Variants in ZNF407 observed in about 807,000 individuals in gnomAD.
The protein encoded by ZNF407 is zinc finger protein 407.
A neutral mutation model predicts 131.2 loss-of-function variants in ZNF407; 17 were observed. The ratio of observed to expected loss-of-function variants is 0.13; its 90% CI spans 0.09 to 0.19. ZNF407 has a LOEUF of 0.19. ZNF407 is among the 10% of genes least tolerant of loss of function. The pLI is 1.00. For missense variants in ZNF407, 2,681 were observed against 2,830.6 expected (o/e 0.95, Z 1.20); for synonymous variants, 1,156 against 1,062.0 (o/e 1.09, Z -1.72).
rs185176030 is a variant in ZNF407, at chr18:74,852,139, T to A, written c.4878-25058T>A. Among the ~76,000 whole-genome samples, 14 of 151,682 alleles carry A rather than the reference T, an allele frequency of 9.2e-5. No homozygotes were observed. In the East Asian group the frequency reaches 2.7e-3, roughly 30 times the overall value. On this transcript the variant is annotated intron_variant, in intron 4 of 8. Coordinates refer to ENST00000299687, the MANE Select transcript of ZNF407 (RefSeq NM_017757.3). ...TTTCTGGTCCTAAAAACATTCTGTG[T>A]TTATCTGTATGCATGGATGCATGCT...
At chr18:74,626,925 T>A (rs1356312935) in intron 1 of ZNF407, among the ~76,000 whole-genome samples, 2 of 152,228 alleles carry the variant, frequency 1.3e-5, no homozygotes, top group East Asian at 3.8e-4. Flanking sequence ...TGTATCCTGA[T>A]AGGGATTCCT....
At chr18:74,612,273 GATAACTGT>G (rs1983095028) in intron 1 of ZNF407, among the ~76,000 whole-genome samples, 1 of 152,094 alleles carries the variant, frequency 6.6e-6, no homozygotes, top group African/African-American at 2.4e-5. Flanking sequence ...CAAGTCGGTG[GATAACTGT>G]ATAAGAAGGA....
intron 4 of ZNF407, among the ~76,000 whole-genome samples, chr18:74,849,433 T>C (rs1186834263): frequency 6.6e-6 from 1 of 152,142 alleles, no homozygotes; most frequent in African/African-American, 2.4e-5. Flanking sequence ...AGTTGTAATG[T>C]TTACCTTATA....
Position 74,621,945 on chromosome 18 carries a change from A to G in ZNF407, c.-53-9022A>G, listed in dbSNP as rs139831861. On this transcript the variant is annotated intron_variant, in intron 1 of 8. Transcript: ENST00000299687. Reference sequence around the variant, plus strand: ...TCCTCTTGTGAGGAAGACAGACCCTATTACATCTACACGTGGTGAAATTGC... The same window carrying G: ...TCCTCTTGTGAGGAAGACAGACCCTGTTACATCTACACGTGGTGAAATTGC... Among the ~76,000 whole-genome samples the G allele has an allele frequency of 7.8e-4, 119 of 152,026 alleles. 2 individuals are homozygous for G. Among genetic ancestry groups the G allele is most frequent in the Middle Eastern group, 3.4e-3 (1 of 294 alleles).
At chr18:74,598,172 C>G (rs919196745) in intron 1 of ZNF407, 3 of 152,026 alleles carry the variant, frequency 2.0e-5, no homozygotes, top group Admixed American at 1.3e-4. Context: ...CGCTCGTTCG[C>G]TCACGCTGCC....
intron 8 of ZNF407, among the ~76,000 whole-genome samples, chr18:74,993,370 A>C (rs1972741230): frequency 6.6e-6 from 1 of 152,196 alleles, no homozygotes; most frequent in African/African-American, 2.4e-5. Context: ...AAAGTGTGCT[A>C]AGCAAAAGCG....
intron 3 of ZNF407, among the ~76,000 whole-genome samples, chr18:74,710,875 T>A (rs183744899): frequency 3.2e-4 from 48 of 152,354 alleles, no homozygotes; most frequent in Non-Finnish European, 4.4e-5. Context: ...GAATGGAGAA[T>A]GGAAAAACTG....
chr18:75,001,098 G>A (rs751837950), intron 8 of ZNF407, among the ~76,000 whole-genome samples: 6 of 152,130 alleles, frequency 3.9e-5, no homozygotes, highest in Non-Finnish European at 7.3e-5. Flanking sequence ...ACCAGAAGCT[G>A]AGCTTTCAGG....
At chr18:74,863,375 A>G (rs573075210) in intron 4 of ZNF407, among the ~76,000 whole-genome samples, 1 of 151,942 alleles carries the variant, frequency 6.6e-6, no homozygotes, top group African/African-American at 2.4e-5. Context: ...AATATTAGAA[A>G]TTTGGGGAGA....
chr18:74,671,939 G>A (rs571832), intron 3 of ZNF407, among the ~76,000 whole-genome samples: 3,524 of 152,148 alleles, frequency 0.023, 147 homozygotes, highest in African/African-American at 0.08. Context: ...AGATGTACAC[G>A]TTTTCTTTAT....
At chr18:74,921,954 G>C (rs577703697) in intron 8 of ZNF407, among the ~76,000 whole-genome samples, 1 of 152,156 alleles carries the variant, frequency 6.6e-6, no homozygotes, top group Non-Finnish European at 1.5e-5. Context: ...CGTGGATAGA[G>C]GCTCATTACT....
intron 8 of ZNF407, among the ~76,000 whole-genome samples, chr18:75,044,710 T>A (rs1973412520): frequency 6.6e-6 from 1 of 152,202 alleles, no homozygotes; most frequent in African/African-American, 2.4e-5. Flanking sequence ...ATATATTTTA[T>A]TGTAAGTATA....
chr18:74,886,711 T>G (rs766384797), intron 6 of ZNF407, among the ~76,000 whole-genome samples: 1 of 152,170 alleles, frequency 6.6e-6, no homozygotes, highest in Non-Finnish European at 1.5e-5. Flanking sequence ...AATATAATAG[T>G]GACAGAAAGC....
chr18:74,948,611 A>G (rs1407283684), intron 8 of ZNF407, among the ~76,000 whole-genome samples: 1 of 152,178 alleles, frequency 6.6e-6, no homozygotes, highest in Non-Finnish European at 1.5e-5. Context: ...TTTTATCTGT[A>G]TTGAAAATTA....
intron 8 of ZNF407, among the ~76,000 whole-genome samples, chr18:75,051,687 T>C (rs1465304738): frequency 6.6e-6 from 1 of 152,226 alleles, no homozygotes; most frequent in African/African-American, 2.4e-5. Flanking sequence ...TCCTACCCTT[T>C]AAAAACTTTA....
At chr18:75,016,803 G>C (rs1486026919) in intron 8 of ZNF407, among the ~76,000 whole-genome samples, 2 of 152,062 alleles carry the variant, frequency 1.3e-5, no homozygotes, top group Non-Finnish European at 2.9e-5. Context: ...TTTATCCAGT[G>C]CCACTGCTAT....
At chr18:74,755,276 G>A (rs185222819) in intron 3 of ZNF407, among the ~76,000 whole-genome samples, 53 of 151,464 alleles carry the variant, frequency 3.5e-4, no homozygotes, top group African/African-American at 1.2e-3. Flanking sequence ...CTGAATTACC[G>A]ATGGGTCTTG....
chr18:74,968,558 T>A (rs1972435303), intron 8 of ZNF407, among the ~76,000 whole-genome samples: 1 of 152,226 alleles, frequency 6.6e-6, no homozygotes, highest in African/African-American at 2.4e-5. Flanking sequence ...AAATATAGTT[T>A]TGCCAGACAG....
chr18:74,903,309 A>G (rs961186186), intron 7 of ZNF407, among the ~76,000 whole-genome samples: 3 of 152,352 alleles, frequency 2.0e-5, no homozygotes, highest in African/African-American at 7.2e-5. Flanking sequence ...TAAATTATTC[A>G]TATATGCACA....
Sources: gnomAD v4.1 joint callset for allele counts (sites outside exome capture counted in the v4.1 genomes callset) on GRCh38, gnomAD v4.1.1 for gene constraint, MANE v1.5 for transcripts, NCBI Gene and HGNC (gene_info 2026-07-23, HGNC 2026-07-21) for gene names.